Variants in LY6S observed in about 807,000 individuals in gnomAD.
The protein encoded by LY6S is lymphocyte antigen 6 family member S, also known as lymphocyte antigen 6S.
At chr8:143,061,480 A>C in the LY6S span, among the ~76,000 whole-genome samples, 2 of 151,770 alleles carry the variant, frequency 1.3e-5, no homozygotes, top group African/African-American at 2.4e-5. Context: ...GCAAATCCAC[A>C]ATCACACTTA....
At chr8:143,049,390 T>C in the LY6S span, 4 of 441,242 alleles carry the variant, frequency 9.1e-6, no homozygotes, top group Non-Finnish European at 1.4e-5. Flanking sequence ...AGTGGAACTG[T>C]GAGCTTCATC....
the LY6S span, chr8:143,065,783 T>TTCTCTTTC: frequency 0.047 from 5,426 of 115,174 alleles, 266 homozygotes; most frequent in Middle Eastern, 0.12. Context: ...CTTTCTTTCT[T>TTCTCTTTC]TTTCTTTCTT....
chr8:143,049,093 C>A, the LY6S span: 3 of 508,912 alleles, frequency 5.9e-6, no homozygotes, highest in Non-Finnish European at 1.2e-5. Context: ...CCGTGACCTC[C>A]TAGCGCCCTG....
At chr8:143,063,387 A>G in the LY6S span, among the ~76,000 whole-genome samples, 1 of 152,204 alleles carries the variant, frequency 6.6e-6, no homozygotes, top group African/African-American at 2.4e-5. Context: ...TGCGGTCTCC[A>G]TGCTGAATGC....
At chr8:143,067,584 G>A in the LY6S span, among the ~76,000 whole-genome samples, 1 of 152,214 alleles carries the variant, frequency 6.6e-6, no homozygotes, top group Non-Finnish European at 1.5e-5. Context: ...CAGGAGACCG[G>A]CACTTAACAT....
chr8:143,052,731 G>A, the LY6S span, among the ~76,000 whole-genome samples: 126 of 152,100 alleles, frequency 8.3e-4, 1 homozygote, highest in Non-Finnish European at 1.3e-3. Flanking sequence ...GCAATCCTCC[G>A]GCAAGATTGA....
chr8:143,045,857 A>AT, the LY6S span, among the ~76,000 whole-genome samples: 91,853 of 147,996 alleles, frequency 0.62, 28,410 homozygotes, highest in East Asian at 0.67. The surrounding 1 kb of genome is among the most constrained non-coding windows in gnomAD (Gnocchi z 5.3). Context: ...CAATTTACTC[A>AT]TTTTTTTTTT....
At chr8:143,066,090 A>G in the LY6S span, 1 of 416,746 alleles carries the variant, frequency 2.4e-6, no homozygotes. Flanking sequence ...GGCATCGAAG[A>G]CACTCGCTTC....
At chr8:143,068,595 A>C in the LY6S span, among the ~76,000 whole-genome samples, 143 of 152,324 alleles carry the variant, frequency 9.4e-4, no homozygotes, top group African/African-American at 3.4e-3. Flanking sequence ...TAATTTGCCC[A>C]GTCTTAGGTA....
the LY6S span, chr8:143,049,182 C>G: frequency 5.6e-6 from 3 of 534,642 alleles, no homozygotes; most frequent in South Asian, 1.4e-5. Flanking sequence ...ACCTCCTGGA[C>G]TTTGGTATCT....
chr8:143,044,605 T>C, the LY6S span: 4 of 1,279,432 alleles, frequency 3.1e-6, no homozygotes, highest in African/African-American at 6.3e-5. Flanking sequence ...AGGGGGACCT[T>C]GGTCCATCAT....
the LY6S span, among the ~76,000 whole-genome samples, chr8:143,043,541 G>A: frequency 6.6e-6 from 1 of 152,180 alleles, no homozygotes; most frequent in Non-Finnish European, 1.5e-5. Flanking sequence ...GGGCAGCAGG[G>A]TTTGAGTTCT....
chr8:143,057,461 G>A, the LY6S span: 5 of 610,426 alleles, frequency 8.2e-6, no homozygotes, highest in Non-Finnish European at 1.2e-5. Context: ...TATTGGCCAG[G>A]CTGGTTTCGA....
the LY6S span, chr8:143,043,338 C>A: frequency 7.9e-6 from 8 of 1,011,140 alleles, no homozygotes; most frequent in South Asian, 1.2e-4. Context: ...TCTCACTTTA[C>A]CTGCGAGAGA....
the LY6S span, among the ~76,000 whole-genome samples, chr8:143,070,412 GTATATATATT>G: frequency 3.2e-5 from 3 of 95,180 alleles, no homozygotes; most frequent in African/African-American, 5.2e-5. Context: ...TTTTATTTAT[GTATATATATT>G]TATATATATA....
the LY6S span, chr8:143,042,884 T>G: frequency 3.2e-6 from 2 of 633,392 alleles, no homozygotes; most frequent in African/African-American, 1.9e-5. Flanking sequence ...AAAAGTGGTG[T>G]TGTTGGGGGG....
the LY6S span, chr8:143,053,169 G>A: frequency 6.6e-6 from 1 of 152,178 alleles, no homozygotes; most frequent in Non-Finnish European, 1.5e-5. Flanking sequence ...AAAGCTACAG[G>A]GAGTCACCAG....
chr8:143,070,378 AAT>A, the LY6S span, among the ~76,000 whole-genome samples: 9,789 of 116,996 alleles, frequency 0.084, 631 homozygotes, highest in East Asian at 0.24. Flanking sequence ...TATATATATA[AAT>A]ATATATATAT....
the LY6S span, among the ~76,000 whole-genome samples, chr8:143,071,558 C>G: frequency 6.6e-6 from 1 of 152,166 alleles, no homozygotes; most frequent in African/African-American, 2.4e-5. Context: ...TGAGACAGGG[C>G]AGGATACACG....
Sources: gnomAD v4.1 joint callset for allele counts (sites outside exome capture counted in the v4.1 genomes callset) on GRCh38, gnomAD v4.1.1 for gene constraint, Gnocchi (gnomAD v3.1) non-coding constraint, MANE v1.5 for transcripts, NCBI Gene and HGNC (gene_info 2026-07-23, HGNC 2026-07-21) for gene names.